PRPF6: variants seen among roughly 807,000 people sequenced by gnomAD.
PRPF6 encodes the protein pre-mRNA-processing factor 6.
A neutral mutation model predicts 118.3 loss-of-function variants in PRPF6; 42 were observed. The ratio of observed to expected loss-of-function variants is 0.35; its 90% CI spans 0.28 to 0.46. PRPF6 has a LOEUF of 0.46. Ranked by LOEUF, PRPF6 falls within the 20% of genes least tolerant of loss-of-function variation. PRPF6 has a pLI of 1.00. For synonymous variants in PRPF6, 481 were observed against 485.1 expected, an observed-to-expected ratio of 0.99 and a Z score of 0.11; for missense variants, 662 against 1,255.7, an observed-to-expected ratio of 0.53 and a Z score of 7.15.
chr20:63,997,738 A>AT (rs575002746), intron 6 of PRPF6, among the ~76,000 whole-genome samples: 41 of 151,854 alleles, frequency 2.7e-4, no homozygotes, highest in African/African-American at 9.4e-4. Context: ...TAGAAGTGTG[A>AT]TTTTTTTGTA....
At chr20:64,023,011 A>G in intron 13 of PRPF6, 133 bp downstream of exon 13, 1 of 1,396,238 alleles carries the variant, frequency 7.2e-7, no homozygotes, top group South Asian at 1.2e-5. Context: ...TCTGGTTGTG[A>G]TGAAGGATTT....
chr20:64,005,132 G>C (rs978710211), intron 9 of PRPF6, among the ~76,000 whole-genome samples: 7 of 152,170 alleles, frequency 4.6e-5, no homozygotes, highest in Non-Finnish European at 7.4e-5. Flanking sequence ...CTCCTTGAAG[G>C]CCATTGTATC....
chr20:64,002,836 G>A (rs569598037), intron 9 of PRPF6, among the ~76,000 whole-genome samples: 1 of 151,300 alleles, frequency 6.6e-6, no homozygotes, highest in East Asian at 1.9e-4. Context: ...TAGAGACGGG[G>A]TTTCACTGTG....
At chr20:63,983,863 G>A (rs528055141) in intron 2 of PRPF6, among the ~76,000 whole-genome samples, 164 of 152,164 alleles carry the variant, frequency 1.1e-3, no homozygotes, top group Non-Finnish European at 2.0e-3. Context: ...ATGTTGGTCA[G>A]GCTGGTCTCG....
rs367580929 is a variant in PRPF6 at position 64,007,593 on chromosome 20, G to T, written c.1187-2607G>T. Among the ~76,000 whole-genome samples the T allele has an allele frequency of 2.1e-3, 316 of 149,830 alleles. 12 individuals carry two copies. In the South Asian group the frequency reaches 0.057, roughly 27 times the overall value. ...GCGATTCTCCCACCTCTGCCTCCCA[G>T]CTAGCTGGAACCACAAGTACATGCC... On this transcript the variant is annotated intron_variant, in intron 9 of 20. Coordinates refer to ENST00000266079, the MANE Select transcript of PRPF6 (RefSeq NM_012469.4).
intron 9 of PRPF6, 100 bp downstream of exon 9, chr20:64,001,339 G>T (rs1294332277): frequency 4.3e-6 from 6 of 1,406,146 alleles, no homozygotes; most frequent in Non-Finnish European, 6.0e-6. Flanking sequence ...AGTGGATAAG[G>T]AACCAGGGAC....
At chr20:63,999,872 T>G in intron 8 of PRPF6, 113 bp downstream of exon 8, 1 of 1,333,734 alleles carries the variant, frequency 7.5e-7, no homozygotes, top group South Asian at 1.3e-5. Flanking sequence ...CTACAGACAA[T>G]AGGGCAGGCT....
In PRPF6 at chr20:63,998,638, G is replaced by A. The variant is rs369310699; in HGVS notation, c.772-407G>A. Among the ~76,000 whole-genome samples, 323 of 148,682 alleles carry A rather than the reference G, an allele frequency of 2.2e-3. 12 individuals carry two copies. In the South Asian group the frequency reaches 0.058, roughly 27 times the overall value. ...GGGCGGATCACGAGGTCAGGAGATCGAGACCATCCTGGCTAACACGGTGAA... is the reference window on the plus strand; with the variant it reads ...GGGCGGATCACGAGGTCAGGAGATCAAGACCATCCTGGCTAACACGGTGAA... On this transcript the variant is annotated intron_variant, in intron 6 of 20. Coordinates refer to ENST00000266079, the MANE Select transcript of PRPF6 (RefSeq NM_012469.4).
chr20:64,017,194 T>C (rs2059242280), intron 12 of PRPF6, among the ~76,000 whole-genome samples: 1 of 152,184 alleles, frequency 6.6e-6, no homozygotes, highest in Non-Finnish European at 1.5e-5. Flanking sequence ...CACCCCGCCT[T>C]GGCTTCCCAA....
At chr20:64,014,067 A>G (rs2059227040) in intron 11 of PRPF6, among the ~76,000 whole-genome samples, 1 of 151,546 alleles carries the variant, frequency 6.6e-6, no homozygotes, top group African/African-American at 2.4e-5. Context: ...CCTCCTGAGT[A>G]GCTGGGACTA....
intron 9 of PRPF6, among the ~76,000 whole-genome samples, chr20:64,007,674 C>G (rs1365101192): frequency 2.0e-5 from 3 of 151,694 alleles, no homozygotes; most frequent in African/African-American, 7.3e-5. Flanking sequence ...GCCATGTTGT[C>G]CAGGCTAGTC....
chr20:64,003,864 C>CT (rs1220246473), intron 9 of PRPF6, among the ~76,000 whole-genome samples: 12 of 152,162 alleles, frequency 7.9e-5, no homozygotes, highest in Admixed American at 3.3e-4. Flanking sequence ...TCTCAAAGTG[C>CT]TGGGATTACA....
rs2059304358 is a variant in PRPF6, at chr20:64,029,236, C to T, written c.2432-141C>T. 1 of 759,052 alleles carries T rather than the reference C, an allele frequency of 1.3e-6. No individual in the cohort carries two copies. The highest frequency in any genetic ancestry group is 2.6e-5 in the East Asian group (1 of 38,954). 47.0% of individuals were successfully genotyped at this position (759,052 alleles called of 1,614,324 possible). On this transcript the variant is annotated intron_variant, in intron 18 of 20. Transcript: ENST00000266079. This position sits in a 1 kb window ranked among gnomAD's most constrained non-coding sequence, Gnocchi z 4.8. ...CAGAGTGCTCATCCTTTGTGGTTCT[C>T]CTTGCACAAGTTCTGCGAGCCGTGT...
chr20:63,981,257 G>A lies in PRPF6; in HGVS notation c.12G>A (p.Lys4=), dbSNP rs2059064876. 6.2e-7 allele frequency: 1 copy of A among 1,609,432 alleles called. No individual in the cohort carries two copies. The highest frequency in any genetic ancestry group is 1.7e-4 in the Middle Eastern group (1 of 6,060). Residue 4 remains lysine, a synonymous_variant, in exon 1 of 21, where the codon AAG becomes AAA. Coordinates refer to ENST00000266079, the MANE Select transcript of PRPF6 (RefSeq NM_012469.4). ...TCGTCGCCGCCACCATGAACAAGAA[G>A]AAGAAACCGTTCCTAGGGATGCCCG... The part of the protein sequence containing the change: MNK[K]KKPFLGMPAP...
intron 11 of PRPF6, among the ~76,000 whole-genome samples, chr20:64,012,925 G>A (rs951244923): frequency 6.6e-6 from 1 of 151,436 alleles, no homozygotes; most frequent in African/African-American, 2.4e-5. Flanking sequence ...AAGTCTCATG[G>A]CTTCTTTTAC....
intron 3 of PRPF6, 35 bp from the exon 4 acceptor site, chr20:63,993,372 C>A: frequency 1.3e-6 from 2 of 1,512,520 alleles, no homozygotes; most frequent in Non-Finnish European, 1.8e-6. Context: ...AACAGACATG[C>A]AGTGTTTCTG....
Position 64,027,238 on chromosome 20 carries a change from C to G in PRPF6, c.2205+80C>G. 1.9e-6 allele frequency: 3 copies of G among 1,549,110 alleles called. No individual in the cohort carries two copies. In the Admixed American group the frequency reaches 5.5e-5, roughly 28 times the overall value. ...AGCCCCCTGGTGCAGGGTCATTGCC[C>G]TTCGCCTCTGAGGAGATGTGGAGGG... On this transcript the variant is annotated intron_variant, in intron 16 of 20. Transcript: ENST00000266079. The surrounding 1 kb of genome is among the most constrained non-coding windows in gnomAD (Gnocchi z 6.5).
chr20:63,993,034 G>A (rs2059125204), intron 3 of PRPF6, among the ~76,000 whole-genome samples: 1 of 151,934 alleles, frequency 6.6e-6, no homozygotes, highest in Admixed American at 6.6e-5. Context: ...TGGCCAGGAT[G>A]GTGAAACCCC....
intron 12 of PRPF6, among the ~76,000 whole-genome samples, chr20:64,021,206 G>T (rs1264850343): frequency 6.6e-6 from 1 of 152,162 alleles, no homozygotes; most frequent in Non-Finnish European, 1.5e-5. Flanking sequence ...GCACTTGTAT[G>T]TGCATATGGC....
Sources: allele counts gnomAD v4.1 joint callset (sites outside exome capture counted in the v4.1 genomes callset), GRCh38; gene constraint gnomAD v4.1.1; non-coding constraint Gnocchi (gnomAD v3.1); transcripts MANE v1.5; gene names NCBI Gene and HGNC (gene_info 2026-07-23, HGNC 2026-07-21).